SORBS2: variants seen among roughly 807,000 people sequenced by gnomAD.
SORBS2 encodes sorbin and SH3 domain containing 2.
A neutral mutation model predicts 97.7 loss-of-function variants in SORBS2; 46 were observed. The observed-to-expected ratio is 0.47, with a 90% CI of 0.37 to 0.60. The LOEUF (loss-of-function observed/expected upper bound fraction) is 0.60. Among genes scored for constraint, SORBS2 ranks in the 20% least tolerant of loss-of-function variants. The probability of loss-of-function intolerance (pLI) is 0.00; values close to 1 mark genes in which losing one functional copy is unlikely to be tolerated. For synonymous variants in SORBS2, 476 were observed against 473.4 expected, an observed-to-expected ratio of 1.01 and a Z score of -0.07; for missense variants, 1,316 against 1,282.3, an observed-to-expected ratio of 1.03 and a Z score of -0.40.
intron 12 of SORBS2, among the ~76,000 whole-genome samples, chr4:185,604,953 G>A (rs1314014737): frequency 6.6e-6 from 1 of 152,182 alleles, no homozygotes; most frequent in Non-Finnish European, 1.5e-5. Context: ...GTGCTGGGAT[G>A]AGCCGGCCTA....
At chr4:185,864,722 C>T (rs1177536025) in intron 1 of SORBS2, among the ~76,000 whole-genome samples, 1 of 152,016 alleles carries the variant, frequency 6.6e-6, no homozygotes, top group African/African-American at 2.4e-5. Context: ...ACCAGCCTGG[C>T]CAACATGGTG....
At chr4:185,709,876 A>AT (rs2098402694) in intron 2 of SORBS2, 1 of 112,572 alleles carries the variant, frequency 8.9e-6, no homozygotes, top group Non-Finnish European at 2.1e-5. Context: ...TTTTTTTTTA[A>AT]GACTAGTCAA....
intron 1 of SORBS2, among the ~76,000 whole-genome samples, chr4:185,868,154 T>C (rs1352004428): frequency 9.9e-6 from 1 of 100,876 alleles, no homozygotes; most frequent in Admixed American, 9.9e-5. Context: ...TTTCTTTTTT[T>C]CTTTCTTTTT....
At chr4:185,631,128 A>G (rs1334886790) in intron 4 of SORBS2, among the ~76,000 whole-genome samples, 2 of 152,218 alleles carry the variant, frequency 1.3e-5, no homozygotes, top group Non-Finnish European at 2.9e-5. Context: ...CAACATAGAC[A>G]TGACGTTTAA....
intron 1 of SORBS2, 103 bp from the exon 10 acceptor site, chr4:185,652,831 A>C: frequency 1.2e-6 from 1 of 865,400 alleles, no homozygotes; most frequent in Non-Finnish European, 1.9e-6. Context: ...ACAGAGTCCC[A>C]TTCTGTGATA....
At chr4:185,926,285 A>AT (rs928427856) in intron 1 of SORBS2, among the ~76,000 whole-genome samples, 4 of 152,246 alleles carry the variant, frequency 2.6e-5, no homozygotes, top group Non-Finnish European at 4.4e-5. Context: ...GCAAGAAGGC[A>AT]TGGTCTCTCG....
chr4:185,943,440 T>G (rs979035768), intron 1 of SORBS2, among the ~76,000 whole-genome samples: 3 of 152,210 alleles, frequency 2.0e-5, no homozygotes, highest in Non-Finnish European at 4.4e-5. Flanking sequence ...TACGACATAT[T>G]CTTGCCAAAA....
intron 4 of SORBS2, chr4:185,635,394 C>T (rs752756533): frequency 6.2e-7 from 1 of 1,613,592 alleles, no homozygotes; most frequent in African/African-American, 1.3e-5. Context: ...GAACATAGTC[C>T]AGAGGCTTTT....
intron 1 of SORBS2, among the ~76,000 whole-genome samples, chr4:185,878,296 C>G (rs1390974701): frequency 6.6e-6 from 1 of 152,158 alleles, no homozygotes; most frequent in African/African-American, 2.4e-5. Context: ...TTAACATGAT[C>G]TGAAAAGCAA....
chr4:185,654,848 C>T (rs1049027728), intron 1 of SORBS2, among the ~76,000 whole-genome samples: 6 of 152,090 alleles, frequency 3.9e-5, no homozygotes, highest in African/African-American at 1.4e-4. Flanking sequence ...TGAATTTTTA[C>T]ATTCCTACAG....
intron 2 of SORBS2, among the ~76,000 whole-genome samples, chr4:185,748,180 T>C (rs2098775672): frequency 6.6e-6 from 1 of 152,136 alleles, no homozygotes; most frequent in African/African-American, 2.4e-5. Flanking sequence ...AAAATTAGCA[T>C]CTAGCTGTAC....
chr4:185,784,626 G>A (rs2099047723), intron 1 of SORBS2, among the ~76,000 whole-genome samples: 2 of 152,082 alleles, frequency 1.3e-5, no homozygotes, highest in Admixed American at 1.3e-4. Flanking sequence ...CTGTATTGAG[G>A]TCATCTGTTC....
At chr4:185,699,404 A>G (rs897708645) in intron 2 of SORBS2, among the ~76,000 whole-genome samples, 3 of 148,348 alleles carry the variant, frequency 2.0e-5, no homozygotes, top group African/African-American at 7.5e-5. Flanking sequence ...CTCCTGCCTC[A>G]TCCTGCAGAG....
intron 1 of SORBS2, among the ~76,000 whole-genome samples, chr4:185,787,966 G>C (rs1051547382): frequency 1.3e-5 from 2 of 152,222 alleles, no homozygotes; most frequent in African/African-American, 4.8e-5. Flanking sequence ...ACCAGCGCCA[G>C]GGTCTAAGAA....
At chr4:185,805,483 C>T (rs957098836) in intron 1 of SORBS2, among the ~76,000 whole-genome samples, 2 of 152,204 alleles carry the variant, frequency 1.3e-5, no homozygotes, top group African/African-American at 4.8e-5. Context: ...GAGGGCCTCT[C>T]TGTTCCGGCT....
chr4:185,689,001 T>C (rs545307645), intron 2 of SORBS2, among the ~76,000 whole-genome samples: 17 of 152,298 alleles, frequency 1.1e-4, no homozygotes, highest in Non-Finnish European at 1.9e-4. Flanking sequence ...GAAGGTTACA[T>C]TTATGCTGCT....
At chr4:185,710,082 G>A (rs1273766574) in intron 2 of SORBS2, 1 of 152,054 alleles carries the variant, frequency 6.6e-6, no homozygotes, top group African/African-American at 2.4e-5. Context: ...GCCTCCGAAT[G>A]TTGTTAATCC....
intron 1 of SORBS2, among the ~76,000 whole-genome samples, chr4:185,866,027 C>A (rs1197435301): frequency 6.6e-6 from 1 of 152,170 alleles, no homozygotes; most frequent in Non-Finnish European, 1.5e-5. Flanking sequence ...TTGATATGTA[C>A]AAATTGCCAA....
At chr4:185,702,566 T>G (rs1044896053) in intron 2 of SORBS2, among the ~76,000 whole-genome samples, 1 of 152,160 alleles carries the variant, frequency 6.6e-6, no homozygotes. Flanking sequence ...ATCCAGACCA[T>G]AGCACACATC....
Sources: allele counts gnomAD v4.1 joint callset (sites outside exome capture counted in the v4.1 genomes callset), GRCh38; gene constraint gnomAD v4.1.1; transcripts MANE v1.5; gene names NCBI Gene and HGNC (gene_info 2026-07-23, HGNC 2026-07-21).